Variants in CTNNBL1 observed in about 807,000 individuals in gnomAD.
CTNNBL1 encodes the protein beta-catenin-like protein 1.
Under a neutral mutation model 72.7 loss-of-function variants are expected in CTNNBL1, and 31 were observed. The observed-to-expected ratio is 0.43, with a 90% CI of 0.32 to 0.58. The LOEUF (loss-of-function observed/expected upper bound fraction) is 0.58, where lower values mean the gene tolerates loss of function less well. Ranked by LOEUF, CTNNBL1 falls within the 20% of genes least tolerant of loss-of-function variation. The pLI is 0.08. For missense variants in CTNNBL1, 534 were observed against 725.1 expected (o/e 0.74, Z 3.03); for synonymous variants, 240 against 267.3 (o/e 0.90, Z 1.00).
intron 12 of CTNNBL1, among the ~76,000 whole-genome samples, 182 bp downstream of exon 12, chr20:37,840,381 C>T (rs1472462086): frequency 6.6e-6 from 1 of 152,212 alleles, no homozygotes; most frequent in Admixed American, 6.5e-5. Context: ...TCTCCAAATG[C>T]ATTCTCCTGG....
At chr20:37,722,551 G>A (rs967253397) in intron 1 of CTNNBL1, among the ~76,000 whole-genome samples, 44 of 152,046 alleles carry the variant, frequency 2.9e-4, no homozygotes, top group African/African-American at 1.1e-3. Flanking sequence ...GGGCTTTGCA[G>A]TTTGCAGTCA....
intron 1 of CTNNBL1, among the ~76,000 whole-genome samples, chr20:37,725,660 T>A (rs1275115597): frequency 6.6e-6 from 1 of 151,262 alleles, no homozygotes; most frequent in Non-Finnish European, 1.5e-5. Context: ...TGTTGTTTTC[T>A]ATGGGCCAAA....
At chr20:37,767,678 T>G (rs2073482664) in intron 6 of CTNNBL1, among the ~76,000 whole-genome samples, 1 of 152,182 alleles carries the variant, frequency 6.6e-6, no homozygotes, top group Non-Finnish European at 1.5e-5. Flanking sequence ...TTTTGTGTGT[T>G]CCGCTCTAGT....
chr20:37,817,301 A>T (rs1471036739), intron 11 of CTNNBL1, among the ~76,000 whole-genome samples: 2 of 152,232 alleles, frequency 1.3e-5, no homozygotes, highest in East Asian at 1.9e-4. Context: ...TTTAATTCTG[A>T]CATGCCAAAG....
chr20:37,797,354 CTT>C lies in CTNNBL1; in HGVS notation c.1032-5496_1032-5495del, dbSNP rs76016183. On this transcript the variant is annotated intron_variant, in intron 10 of 15. Coordinates refer to ENST00000361383, the MANE Select transcript of CTNNBL1 (RefSeq NM_030877.5). ...GAATATTTTAAAGAACACCTTGTTG[CTT>C]TTTTTTTTTTTTTTTTAATCAGTCT... Among the ~76,000 whole-genome samples the C allele has an allele frequency of 5.2e-3, 538 of 103,880 alleles. 1 individual carries two copies. Among genetic ancestry groups the C allele is most frequent in the African/African-American group, 0.017 (508 of 29,060 alleles). The allele number at this position is 103,880 out of a possible 152,430, so 68.1% of individuals were successfully genotyped here. A position where few individuals can be genotyped will look rare whatever the true frequency, so the allele number is the denominator to read the frequency against.
chr20:37,736,990 A>G (rs2073176945), intron 2 of CTNNBL1, among the ~76,000 whole-genome samples: 1 of 151,922 alleles, frequency 6.6e-6, no homozygotes, highest in African/African-American at 2.4e-5. Flanking sequence ...TTGGGAGGCC[A>G]AGGTGGGCAG....
intron 7 of CTNNBL1, among the ~76,000 whole-genome samples, chr20:37,769,743 A>C (rs2073506042): frequency 6.6e-6 from 1 of 152,194 alleles, no homozygotes; most frequent in Admixed American, 6.5e-5. Flanking sequence ...ACTTTTTGTG[A>C]GAAGGAGGCA....
chr20:37,842,458 G>A lies in CTNNBL1; in HGVS notation c.1392+39G>A, dbSNP rs1053732973. 15 of 1,472,794 alleles carry A rather than the reference G, an allele frequency of 1.0e-5. No homozygotes were observed. In the East Asian group the frequency reaches 1.8e-4, roughly 18 times the overall value. 91.2% of individuals were successfully genotyped at this position (1,472,794 alleles called of 1,614,324 possible). A position where few individuals can be genotyped will look rare whatever the true frequency, so the allele number is the denominator to read the frequency against. On this transcript the variant is annotated intron_variant, in intron 13 of 15. Transcript: ENST00000361383. ...CCTCACTTTTGCCAGCTATTGACTT[G>A]CCCTCCGTTTGGGTCCCTTGTGTTC...
chr20:37,855,021 T>C (rs1301551520), intron 13 of CTNNBL1, among the ~76,000 whole-genome samples: 2 of 151,950 alleles, frequency 1.3e-5, no homozygotes, highest in Non-Finnish European at 2.9e-5. Context: ...GCAGTAGTTA[T>C]TATCCAGACT....
chr20:37,855,106 C>CA (rs34429259), intron 13 of CTNNBL1, among the ~76,000 whole-genome samples: 105 of 130,804 alleles, frequency 8.0e-4, no homozygotes, highest in Non-Finnish European at 1.2e-3. Flanking sequence ...TCTAATAAGC[C>CA]AAAAAAAAAA....
chr20:37,696,928 T>A (rs1213727304), intron 1 of CTNNBL1, among the ~76,000 whole-genome samples: 1 of 152,052 alleles, frequency 6.6e-6, no homozygotes, highest in Non-Finnish European at 1.5e-5. Flanking sequence ...ATGCCTGTAA[T>A]CCCAGCACTT....
chr20:37,728,968 A>C (rs1262699649), intron 1 of CTNNBL1, among the ~76,000 whole-genome samples: 1 of 152,302 alleles, frequency 6.6e-6, no homozygotes, highest in Admixed American at 6.5e-5. Flanking sequence ...GGCCCTATTT[A>C]TCCCTGTGTC....
chr20:37,704,818 G>C (rs1244920596), intron 1 of CTNNBL1, among the ~76,000 whole-genome samples: 2 of 152,136 alleles, frequency 1.3e-5, no homozygotes, highest in African/African-American at 4.8e-5. Context: ...GGCCAACAGA[G>C]AACACTGTTC....
At chr20:37,820,453 G>T (rs1207028829) in intron 11 of CTNNBL1, among the ~76,000 whole-genome samples, 1 of 152,022 alleles carries the variant, frequency 6.6e-6, no homozygotes, top group African/African-American at 2.4e-5. Flanking sequence ...TCTATCCTAT[G>T]CTCCTTCCAG....
chr20:37,857,696 G>A (rs1227941253), intron 13 of CTNNBL1, among the ~76,000 whole-genome samples: 1 of 152,226 alleles, frequency 6.6e-6, no homozygotes, highest in African/African-American at 2.4e-5. Flanking sequence ...AGAGTGGAAA[G>A]CAGGATCTCA....
At chr20:37,704,509 G>C (rs1429691733) in intron 1 of CTNNBL1, among the ~76,000 whole-genome samples, 4 of 151,850 alleles carry the variant, frequency 2.6e-5, no homozygotes, top group Non-Finnish European at 5.9e-5. Flanking sequence ...GAGCTCAGGA[G>C]TTTGAGACCA....
chr20:37,731,764 G>A (rs1026867266), intron 1 of CTNNBL1, among the ~76,000 whole-genome samples: 1 of 152,092 alleles, frequency 6.6e-6, no homozygotes, highest in African/African-American at 2.4e-5. Flanking sequence ...CCACTTTTTA[G>A]GGCTGAGTAG....
chr20:37,766,809 G>T (rs2073472653), intron 6 of CTNNBL1, among the ~76,000 whole-genome samples: 1 of 152,180 alleles, frequency 6.6e-6, no homozygotes, highest in African/African-American at 2.4e-5. Context: ...TGTAAACCAT[G>T]GCAGGAAGCT....
chr20:37,825,865 A>G (rs914677027), intron 11 of CTNNBL1, among the ~76,000 whole-genome samples: 2 of 152,142 alleles, frequency 1.3e-5, no homozygotes, highest in Non-Finnish European at 2.9e-5. Context: ...TCCTCAGTCC[A>G]CACTGCTGCC....
Sources: allele counts gnomAD v4.1 joint callset (sites outside exome capture counted in the v4.1 genomes callset), GRCh38; gene constraint gnomAD v4.1.1; transcripts MANE v1.5; gene names NCBI Gene and HGNC (gene_info 2026-07-23, HGNC 2026-07-21).